The following MYO5C variants were observed in gnomAD, a reference collection of about 807,000 sequenced individuals.
The protein encoded by MYO5C is myosin VC, also known as unconventional myosin-Vc.
MYO5C carries 194 observed loss-of-function variants against 235.7 expected under a neutral mutation model. The ratio of observed to expected loss-of-function variants is 0.82; its 90% CI spans 0.73 to 0.93. The LOEUF is 0.93. Among genes scored for constraint, MYO5C ranks in the 40% least tolerant of loss-of-function variants. The pLI is 0.00. For synonymous variants in MYO5C, 707 were observed against 754.8 expected (o/e 0.94, Z 1.04); for missense variants, 2,038 against 2,127.2 (o/e 0.96, Z 0.82).
chr15:52,282,530 C>G (rs534311511), intron 2 of MYO5C, among the ~76,000 whole-genome samples: 1 of 152,362 alleles, frequency 6.6e-6, no homozygotes, highest in African/African-American at 2.4e-5. Context: ...GTGGCACAGA[C>G]CTGGCTCCTG....
At position 52,282,815 on chromosome 15, in the gene MYO5C, G is replaced by C; in HGVS notation, c.105C>G (p.Asp35Glu). ...AEIAKDYRVG[D>E]KVLRLLLEDG... Reference sequence around the variant, plus strand: ...CCTCCAGCAGGAGTCGCAGGACCTTGTCACCAACTCTGTAGTCCTTGGCTA... The same window carrying C: ...CCTCCAGCAGGAGTCGCAGGACCTTCTCACCAACTCTGTAGTCCTTGGCTA... Residue 35 changes from aspartate (D) to glutamate (E), a missense_variant, in exon 2 of 41, where the codon GAC becomes GAG. Transcript: ENST00000261839. 1 of 1,613,622 alleles carries C rather than the reference G, an allele frequency of 6.2e-7. No individual in the cohort carries two copies. Among genetic ancestry groups the C allele is most frequent in the South Asian group, 1.1e-5 (1 of 91,066 alleles).
At position 52,295,643 on chromosome 15, in the gene MYO5C, G is replaced by T; in HGVS notation, c.-7C>A. ...ACAGCTCGGCCACCGCCATGGGCAG[G>T]AGGGGCCGGGGCCAGGCCGGGGCTG... is the stretch of plus-strand genomic sequence containing the variant. On this transcript the variant is annotated 5_prime_UTR_variant, in exon 1 of 41. Transcript: ENST00000261839. 1 of 1,469,714 alleles carries T rather than the reference G, an allele frequency of 6.8e-7. No homozygotes were observed. The highest frequency in any genetic ancestry group is 9.0e-7 in the Non-Finnish European group (1 of 1,113,798). The allele number at this position is 1,469,714 out of a possible 1,614,324, so 91.0% of individuals were successfully genotyped here.
rs369980831 is a variant in MYO5C at position 52,251,381 on chromosome 15, T to C, written c.1662+9A>G. The C allele has an allele frequency of 1.0e-4, 161 of 1,592,260 alleles. No homozygotes were observed. In the African/African-American group the frequency reaches 1.9e-3, roughly 19 times the overall value. On this transcript the variant is annotated intron_variant, in intron 13 of 40. Coordinates refer to ENST00000261839, the MANE Select transcript of MYO5C (RefSeq NM_018728.4). ...GGGTTGACAGCATTGATGGAGACCT[T>C]CACGGTACCTTATCAGCAAAGTGCT...
chr15:52,248,620 TCTC>T, intron 14 of MYO5C, 77 bp downstream of exon 14: 4 of 999,192 alleles, frequency 4.0e-6, no homozygotes, highest in Admixed American at 1.8e-5. Flanking sequence ...TCTCTCTCTC[TCTC>T]CTTACTCTTT....
chr15:52,221,335 A>C, intron 29 of MYO5C, 80 bp from the exon 30 acceptor site: 1 of 998,296 alleles, frequency 1.0e-6, no homozygotes, highest in East Asian at 2.6e-5. Flanking sequence ...AAACTGAACT[A>C]TCTTGGTGTT....
At chr15:52,221,437 C>T (rs1442633464) in intron 29 of MYO5C, among the ~76,000 whole-genome samples, 182 bp from the exon 30 acceptor site, 5 of 152,092 alleles carry the variant, frequency 3.3e-5, no homozygotes, top group Admixed American at 3.3e-4. Context: ...TATATAGTCT[C>T]AGGAAACACC....
At chr15:52,294,332 G>A (rs2037453706) in intron 1 of MYO5C, among the ~76,000 whole-genome samples, 1 of 152,230 alleles carries the variant, frequency 6.6e-6, no homozygotes, top group Admixed American at 6.5e-5. Flanking sequence ...GGCTGTCTGA[G>A]GGCTCACAGT....
Position 52,243,750 on chromosome 15 carries a change from C to T in MYO5C, c.2390+606G>A, listed in dbSNP as rs75779987. ...AAAGCCCTGGAAGTCCCGGAATGAC[C>T]GTGGTCCTTCAGTGGGCTGGCAGGG... On this transcript the variant is annotated intron_variant, in intron 19 of 40. Transcript: ENST00000261839. 7.2e-5 allele frequency among the ~76,000 whole-genome samples: 11 copies of T among 152,350 alleles called. No homozygotes were observed. The East Asian group carries it at 2.1e-3, about 29-fold the overall frequency.
chr15:52,276,886 C>T (rs866926632), intron 4 of MYO5C, among the ~76,000 whole-genome samples: 1 of 152,046 alleles, frequency 6.6e-6, no homozygotes, highest in Non-Finnish European at 1.5e-5. Context: ...TGGCACCGCT[C>T]ACATGCCAGG....
Position 52,223,580 on chromosome 15 carries a change from G to C in MYO5C, c.3591C>G (p.Ile1197Met). The C allele has an allele frequency of 6.2e-7, 1 of 1,614,178 alleles. No individual in the cohort carries two copies. Among genetic ancestry groups the C allele is most frequent in the East Asian group, 2.2e-5 (1 of 44,888 alleles). ...FREENDINES[I>M]RHEVTRLTSE... ...ATGTTAGCCTGGTAACTTCATGACGGATGCTTTCATTGATGTCATTTTCTT... is the reference window on the plus strand; with the variant it reads ...ATGTTAGCCTGGTAACTTCATGACGCATGCTTTCATTGATGTCATTTTCTT... The change falls in exon 29 of 41, where the codon ATC becomes ATG. Residue 1197 changes from isoleucine (I) to methionine (M), a missense_variant. Transcript: ENST00000261839.
Position 52,251,387 on chromosome 15 carries a change from T to C in MYO5C, c.1662+3A>G. The C allele has an allele frequency of 6.3e-7, 1 of 1,594,254 alleles. No individual in the cohort carries two copies. Among genetic ancestry groups the C allele is most frequent in the East Asian group, 2.3e-5 (1 of 43,968 alleles). On this transcript the variant is annotated splice_donor_region_variant and intron_variant, in intron 13 of 40. Coordinates refer to ENST00000261839, the MANE Select transcript of MYO5C (RefSeq NM_018728.4). ...ACAGCATTGATGGAGACCTTCACGG[T>C]ACCTTATCAGCAAAGTGCTGGATGA...
intron 38 of MYO5C, 130 bp from the exon 39 acceptor site, chr15:52,196,613 A>G (rs2035058448): frequency 7.5e-6 from 6 of 799,214 alleles, no homozygotes; most frequent in Non-Finnish European, 1.2e-5. Context: ...CATCTGCAAA[A>G]TGAGGGAGTT....
chr15:52,270,969 G>A (rs1412703360), intron 7 of MYO5C, among the ~76,000 whole-genome samples: 2 of 152,128 alleles, frequency 1.3e-5, no homozygotes, highest in East Asian at 1.9e-4. Context: ...GTGACAGCAC[G>A]GGGCTCGGGG....
chr15:52,292,002 G>C lies in MYO5C; in HGVS notation c.27+3608C>G, dbSNP rs200907635. On this transcript the variant is annotated intron_variant, in intron 1 of 40. Coordinates refer to ENST00000261839, the MANE Select transcript of MYO5C (RefSeq NM_018728.4). ...GATCCGCCCGCCTCGGCCTCCCAAA[G>C]TGCTGGGATTACAGGCGTGAGCCAC... 9.2e-5 allele frequency among the ~76,000 whole-genome samples: 14 copies of C among 152,142 alleles called. No individual in the cohort carries two copies. The East Asian group carries it at 2.7e-3, about 29-fold the overall frequency.
At chr15:52,237,919 G>GC (rs139930981) in intron 21 of MYO5C, among the ~76,000 whole-genome samples, 16,763 of 150,282 alleles carry the variant, frequency 0.11, 1,112 homozygotes, top group East Asian at 0.24. Flanking sequence ...TATGAACTGT[G>GC]CCCCCCGCCA....
chr15:52,250,455 G>C lies in MYO5C; in HGVS notation c.1662+935C>G, dbSNP rs552511877. Among the ~76,000 whole-genome samples the C allele has an allele frequency of 3.6e-4, 54 of 152,022 alleles. 1 individual carries two copies. In the South Asian group the frequency reaches 0.011, roughly 31 times the overall value. On this transcript the variant is annotated intron_variant, in intron 13 of 40. Transcript: ENST00000261839. Reference sequence around the variant, plus strand: ...GATGGGGTTTCGCCATGTTGGCCAGGCTGGTCTCAAACTCCTGGTCTCAAG... The same window carrying C: ...GATGGGGTTTCGCCATGTTGGCCAGCCTGGTCTCAAACTCCTGGTCTCAAG...
Position 52,251,379 on chromosome 15 carries a change from C to A in MYO5C, c.1662+11G>T. ...CGGGGTTGACAGCATTGATGGAGAC[C>A]TTCACGGTACCTTATCAGCAAAGTG... On this transcript the variant is annotated intron_variant, in intron 13 of 40. Coordinates refer to ENST00000261839, the MANE Select transcript of MYO5C (RefSeq NM_018728.4). 1.3e-6 allele frequency: 2 copies of A among 1,588,786 alleles called. No individual in the cohort carries two copies. Among genetic ancestry groups the A allele is most frequent in the Admixed American group, 1.7e-5 (1 of 57,704 alleles).
At chr15:52,205,762 TAA>T in intron 37 of MYO5C, 52 bp downstream of exon 37, 1 of 1,183,970 alleles carries the variant, frequency 8.4e-7, no homozygotes, top group Non-Finnish European at 1.2e-6. Flanking sequence ...GTTTATGTTT[TAA>T]AAAGTCTTAA....
intron 1 of MYO5C, among the ~76,000 whole-genome samples, chr15:52,291,078 G>C (rs1298974907): frequency 1.3e-5 from 2 of 152,208 alleles, no homozygotes; most frequent in Non-Finnish European, 2.9e-5. Flanking sequence ...GGCAGGACCA[G>C]GACTTGATTT....
Sources: allele counts gnomAD v4.1 joint callset (sites outside exome capture counted in the v4.1 genomes callset), GRCh38; gene constraint gnomAD v4.1.1; transcripts MANE v1.5; gene names NCBI Gene and HGNC (gene_info 2026-07-23, HGNC 2026-07-21).